TTC7B: variants seen among roughly 807,000 people sequenced by gnomAD.
TTC7B encodes the protein tetratricopeptide repeat protein 7B.
A neutral mutation model predicts 106.8 loss-of-function variants in TTC7B; 28 were observed. The ratio of observed to expected loss-of-function variants is 0.26; its 90% CI spans 0.19 to 0.36. The LOEUF (loss-of-function observed/expected upper bound fraction) is 0.36, where lower values mean the gene tolerates loss of function less well. TTC7B is among the 10% of genes least tolerant of loss of function. The probability of loss-of-function intolerance (pLI) is 1.00; values close to 1 mark genes in which losing one functional copy is unlikely to be tolerated. For synonymous variants in TTC7B, 405 were observed against 430.6 expected (o/e 0.94, Z 0.74); for missense variants, 862 against 1,076.4 (o/e 0.80, Z 2.79).
At chr14:90,750,330 A>T (rs1415311335) in intron 3 of TTC7B, among the ~76,000 whole-genome samples, 2 of 152,212 alleles carry the variant, frequency 1.3e-5, no homozygotes, top group Non-Finnish European at 2.9e-5. Context: ...GAGTATGTCA[A>T]AGGGTCAGGA....
At chr14:90,632,216 G>A (rs759836098) in intron 15 of TTC7B, among the ~76,000 whole-genome samples, 4 of 152,130 alleles carry the variant, frequency 2.6e-5, no homozygotes, top group East Asian at 1.9e-4. Context: ...TTTCCTTGTG[G>A]TCTAACTTCT....
intron 17 of TTC7B, 145 bp from the exon 18 acceptor site, chr14:90,593,771 G>T: frequency 2.6e-6 from 2 of 779,386 alleles, no homozygotes; most frequent in South Asian, 6.1e-5. Flanking sequence ...AGAAACGCGG[G>T]CAATCACGGC....
rs117698508 is a variant in TTC7B, at chr14:90,589,587, G to A, written c.2107+3899C>T. On this transcript the variant is annotated intron_variant, in intron 18 of 19. Transcript: ENST00000328459. The stretch of plus-strand genomic sequence containing the variant: ...TTTTAATGCAAGGTTGGTTAAATCC[G>A]TGGGTGCAGAACCTGAGAATGTAAA... Among the ~76,000 whole-genome samples the A allele has an allele frequency of 5.8e-3, 876 of 152,262 alleles. 3 individuals carry two copies. The highest frequency in any genetic ancestry group is 0.01 in the Middle Eastern group (3 of 294).
rs529220378 is a variant in TTC7B, at chr14:90,592,787, T to C, written c.2107+699A>G. 3.3e-5 allele frequency among the ~76,000 whole-genome samples: 5 copies of C among 150,792 alleles called. No individual in the cohort carries two copies. In the South Asian group the frequency reaches 6.3e-4, roughly 19 times the overall value. On this transcript the variant is annotated intron_variant, in intron 18 of 19. Transcript: ENST00000328459. Reference sequence around the variant, plus strand: ...CAGAAGCATCGCTGAGCCAGCAGAGTGCCCTGGGAACTGGGGAAGGGGCAC... The same window carrying C: ...CAGAAGCATCGCTGAGCCAGCAGAGCGCCCTGGGAACTGGGGAAGGGGCAC...
chr14:90,758,821 C>A (rs1890406936), intron 3 of TTC7B, among the ~76,000 whole-genome samples: 1 of 152,232 alleles, frequency 6.6e-6, no homozygotes, highest in African/African-American at 2.4e-5. Context: ...GTCCAGGAAG[C>A]AGGCACCCCT....
chr14:90,681,372 T>A (rs1332910078), intron 7 of TTC7B, among the ~76,000 whole-genome samples: 1 of 151,480 alleles, frequency 6.6e-6, no homozygotes, highest in Non-Finnish European at 1.5e-5. Context: ...GAACTTGGTT[T>A]AAAAAAAACT....
chr14:90,762,478 T>G (rs976573246), intron 3 of TTC7B, among the ~76,000 whole-genome samples: 2 of 152,246 alleles, frequency 1.3e-5, no homozygotes, highest in African/African-American at 4.8e-5. Context: ...TTCTCCACTC[T>G]GTGCCAGAAA....
chr14:90,566,345 CAAA>C (rs899248713), intron 19 of TTC7B, among the ~76,000 whole-genome samples: 1 of 134,564 alleles, frequency 7.4e-6, no homozygotes, highest in Admixed American at 7.4e-5. Context: ...ACTCTATCTC[CAAA>C]AAAAAAAAAA....
intron 18 of TTC7B, among the ~76,000 whole-genome samples, chr14:90,579,573 G>A (rs965499496): frequency 3.9e-5 from 6 of 152,144 alleles, no homozygotes; most frequent in Admixed American, 6.5e-5. Flanking sequence ...CGAGGCGGGC[G>A]GATAGCTTGA....
chr14:90,544,783 C>A (rs1889756535), intron 19 of TTC7B, among the ~76,000 whole-genome samples: 2 of 152,200 alleles, frequency 1.3e-5, no homozygotes, highest in African/African-American at 4.8e-5. Context: ...GCCTTCCTGG[C>A]ATGGCTTTCT....
At chr14:90,637,318 A>C (rs1272887689) in intron 15 of TTC7B, among the ~76,000 whole-genome samples, 1 of 152,158 alleles carries the variant, frequency 6.6e-6, no homozygotes, top group South Asian at 2.1e-4. Flanking sequence ...TACATTATAC[A>C]TAGCTTAATA....
At chr14:90,661,472 G>A (rs1055215286) in intron 9 of TTC7B, among the ~76,000 whole-genome samples, 2 of 152,152 alleles carry the variant, frequency 1.3e-5, no homozygotes, top group Non-Finnish European at 2.9e-5. Flanking sequence ...AAGTAGGGGA[G>A]GACAAGTGTG....
At chr14:90,561,824 G>T (rs1199598891) in intron 19 of TTC7B, among the ~76,000 whole-genome samples, 1 of 152,228 alleles carries the variant, frequency 6.6e-6, no homozygotes, top group African/African-American at 2.4e-5. Flanking sequence ...GCAGACTGGG[G>T]CTGTGGAAAC....
chr14:90,552,573 A>G (rs1890132579), intron 19 of TTC7B, among the ~76,000 whole-genome samples: 1 of 152,112 alleles, frequency 6.6e-6, no homozygotes, highest in African/African-American at 2.4e-5. Flanking sequence ...TCGTGTGGCC[A>G]CTTCACCTCC....
rs559397180 is a variant in TTC7B at position 90,657,207 on chromosome 14, G to A, written c.1308C>T (p.Leu436=). ...GGGAGCCCATGCAGAGCTTGGCAGC[G>A]AGGAGAGGGATGGTGGCATCGTCTG... ...LKPDDATIPL[L]AAKLCMGSLH... The change falls in exon 11 of 20, where the codon CTC becomes CTT. Residue 436 remains leucine, a synonymous_variant. Coordinates refer to ENST00000328459, the MANE Select transcript of TTC7B (RefSeq NM_001010854.2). This position sits in a 1 kb window ranked among gnomAD's most constrained non-coding sequence, Gnocchi z 4.2. 8.7e-6 allele frequency: 14 copies of A among 1,614,112 alleles called. No individual in the cohort carries two copies. Among genetic ancestry groups the A allele is most frequent in the Admixed American group, 1.7e-5 (1 of 60,036 alleles).
chr14:90,595,431 CTTGT>C (rs984594758), intron 17 of TTC7B, among the ~76,000 whole-genome samples: 2 of 152,144 alleles, frequency 1.3e-5, no homozygotes, highest in African/African-American at 4.8e-5. Flanking sequence ...AGAATCTATC[CTTGT>C]TTAGACAAAG....
intron 15 of TTC7B, among the ~76,000 whole-genome samples, chr14:90,639,014 T>C (rs1202329356): frequency 1.3e-5 from 2 of 152,214 alleles, no homozygotes; most frequent in African/African-American, 2.4e-5. Flanking sequence ...GAAAATCACA[T>C]TGGCTGGCTC....
At chr14:90,652,295 A>G (rs1315698643) in intron 13 of TTC7B, among the ~76,000 whole-genome samples, 2 of 151,726 alleles carry the variant, frequency 1.3e-5, no homozygotes, top group Non-Finnish European at 2.9e-5. Flanking sequence ...GTGACACTCG[A>G]GCATTTTATA....
At position 90,701,794 on chromosome 14, in the gene TTC7B, GTGTATA is replaced by G. The variant is rs753536389; in HGVS notation, c.699-6222_699-6217del. Among the ~76,000 whole-genome samples the G allele has an allele frequency of 4.1e-3, 518 of 124,840 alleles. 3 individuals are homozygous for G. Among genetic ancestry groups the G allele is most frequent in the South Asian group, 7.2e-3 (26 of 3,634 alleles). The allele number at this position is 124,840 out of a possible 152,430, so 81.9% of individuals were successfully genotyped here. On this transcript the variant is annotated intron_variant, in intron 5 of 19. Coordinates refer to ENST00000328459, the MANE Select transcript of TTC7B (RefSeq NM_001010854.2). ...TGTATATATGTATATGTGTGTGTGTGTGTATATATATATATATATATATATATGGAA... is the reference window on the plus strand; with the variant it reads ...TGTATATATGTATATGTGTGTGTGTGTATATATATATATATATATATGGAA...
Sources: gnomAD v4.1 joint callset for allele counts (sites outside exome capture counted in the v4.1 genomes callset) on GRCh38, gnomAD v4.1.1 for gene constraint, Gnocchi (gnomAD v3.1) non-coding constraint, MANE v1.5 for transcripts, NCBI Gene and HGNC (gene_info 2026-07-23, HGNC 2026-07-21) for gene names.